Variants in CEP192 observed in about 807,000 individuals in gnomAD.
CEP192 encodes centrosomal protein of 192 kDa.
CEP192 carries 151 observed loss-of-function variants against 271.8 expected under a neutral mutation model. The observed-to-expected ratio is 0.56, with a 90% CI of 0.49 to 0.64. CEP192 has a LOEUF of 0.64. Ranked by LOEUF, CEP192 falls within the 30% of genes least tolerant of loss-of-function variation. CEP192 has a pLI of 0.00. For missense variants in CEP192, 2,910 were observed against 3,020.5 expected, an observed-to-expected ratio of 0.96 and a Z score of 0.86; for synonymous variants, 995 against 1,076.5, an observed-to-expected ratio of 0.92 and a Z score of 1.48.
chr18:13,118,479 T>A (rs778029559), intron 44 of CEP192, among the ~76,000 whole-genome samples: 13 of 152,208 alleles, frequency 8.5e-5, no homozygotes, highest in Non-Finnish European at 1.5e-4. Context: ...CCTTCCACCT[T>A]ACTCTTTCTT....
chr18:13,083,331 C>G (rs893860922), intron 30 of CEP192, among the ~76,000 whole-genome samples: 10 of 152,082 alleles, frequency 6.6e-5, no homozygotes, highest in African/African-American at 2.4e-4. Flanking sequence ...ACTTTTTGTC[C>G]TAAACTTCTC....
chr18:13,041,981 C>G (rs1008790152), intron 14 of CEP192, among the ~76,000 whole-genome samples: 3 of 152,188 alleles, frequency 2.0e-5, no homozygotes, highest in African/African-American at 7.2e-5. Context: ...ATCCACAATC[C>G]TCCTTCAAAG....
At chr18:12,994,971 A>C (rs1295025166) in intron 1 of CEP192, among the ~76,000 whole-genome samples, 4 of 151,884 alleles carry the variant, frequency 2.6e-5, no homozygotes, top group Non-Finnish European at 5.9e-5. Flanking sequence ...CATGAAGGGA[A>C]GGTGAGAAGG....
intron 14 of CEP192, 126 bp downstream of exon 14, chr18:13,041,082 T>C: frequency 1.3e-6 from 1 of 757,568 alleles, no homozygotes; most frequent in Non-Finnish European, 2.0e-6. Context: ...TTTCTCAGTG[T>C]TGGTTATAGA....
chr18:13,117,446 C>T (rs1356963892), intron 43 of CEP192, 139 bp from the exon 44 acceptor site: 6 of 584,550 alleles, frequency 1.0e-5, no homozygotes, highest in Non-Finnish European at 1.8e-5. Context: ...ATTACATTAG[C>T]ATTTATTGTA....
chr18:13,111,571 T>C (rs1008865611), intron 40 of CEP192, among the ~76,000 whole-genome samples: 1 of 152,150 alleles, frequency 6.6e-6, no homozygotes, highest in African/African-American at 2.4e-5. Context: ...TGACCTTAGG[T>C]TAAGCATTGG....
chr18:13,037,032 A>G (rs913126347), intron 11 of CEP192, among the ~76,000 whole-genome samples: 1 of 152,236 alleles, frequency 6.6e-6, no homozygotes, highest in Non-Finnish European at 1.5e-5. Flanking sequence ...TAGTGACAAA[A>G]TAACTACAGC....
chr18:13,096,230 G>A lies in CEP192; in HGVS notation c.6480G>A (p.Val2160=), dbSNP rs1224459882. The A allele has an allele frequency of 6.2e-7, 1 of 1,614,188 alleles. No homozygotes were observed. Among genetic ancestry groups the A allele is most frequent in the South Asian group, 1.1e-5 (1 of 91,084 alleles). ...TGRFQIVNNS[V]RLLRFELCWP... ...GTTTCCAGATTGTGAATAACTCTGT[G>A]AGGTTACTGAGATTTGAGCTGTGCT... The change falls in exon 36 of 45, where the codon GTG becomes GTA. Residue 2160 remains valine, a synonymous_variant. Coordinates refer to ENST00000506447, the MANE Select transcript of CEP192 (RefSeq NM_032142.4).
Position 13,113,622 on chromosome 18 carries a change from T to C in CEP192, c.7084T>C (p.Tyr2362His). 1.9e-6 allele frequency: 3 copies of C among 1,613,420 alleles called. No individual in the cohort carries two copies. The highest frequency in any genetic ancestry group is 2.5e-6 in the Non-Finnish European group (3 of 1,179,534). The change falls in exon 41 of 45, where the codon TAT (tyrosine) becomes CAT (histidine). Residue 2362 changes from tyrosine (Y) to histidine (H), a missense_variant. Physicochemically the swap from Tyr to His is moderately conservative, Grantham distance 83. Transcript: ENST00000506447. ...ATTTTTGCCCAGAGGTAGGGGGGAT[T>C]ATGCCCAGTTTTGGGATGTTGAATG... ...ITFLPRGRGD[Y>H]AQFWDVECHP... is the part of the protein sequence containing the mutation.
chr18:13,035,077 C>T (rs1975734101), intron 11 of CEP192, among the ~76,000 whole-genome samples: 1 of 152,060 alleles, frequency 6.6e-6, no homozygotes, highest in African/African-American at 2.4e-5. Context: ...TTCTTATTGG[C>T]TGTGATTGAT....
chr18:13,021,985 T>G (rs182710664), intron 9 of CEP192, among the ~76,000 whole-genome samples: 1 of 152,354 alleles, frequency 6.6e-6, no homozygotes, highest in Non-Finnish European at 1.5e-5. Flanking sequence ...TGTTATCTTC[T>G]AGGAGTTTTA....
chr18:13,090,983 A>G (rs547033), intron 33 of CEP192, among the ~76,000 whole-genome samples: 69,618 of 152,008 alleles, frequency 0.46, 16,050 homozygotes, highest in Middle Eastern at 0.51. Context: ...CAGTAGGTCT[A>G]TGGACACTGG....
chr18:13,069,432 A>T (rs1278996018), intron 26 of CEP192, among the ~76,000 whole-genome samples: 1 of 152,190 alleles, frequency 6.6e-6, no homozygotes, highest in African/African-American at 2.4e-5. Flanking sequence ...AAAAACATGC[A>T]TGTCACCCTT....
In CEP192 at chr18:13,099,502, C is replaced by T; in HGVS notation, c.6584C>T (p.Pro2195Leu). The T allele has an allele frequency of 6.3e-7, 1 of 1,594,086 alleles. No individual in the cohort carries two copies. Among genetic ancestry groups the T allele is most frequent in the Non-Finnish European group, 8.6e-7 (1 of 1,169,522 alleles). ...PESKLQILVS[P>L]NSSLSTKQSM... ...AGTAAACTACAAATTCTTGTGAGTCCTAATTCCTCCTTATCCACAAAACAG... is the reference window on the plus strand; with the variant it reads ...AGTAAACTACAAATTCTTGTGAGTCTTAATTCCTCCTTATCCACAAAACAG... Residue 2195 changes from proline (P) to leucine (L), a missense_variant, in exon 37 of 45, where the codon CCT becomes CTT. Pro to Leu is a moderately conservative substitution (Grantham distance 98). Transcript: ENST00000506447.
At chr18:13,076,581 A>G (rs2038295747) in intron 30 of CEP192, among the ~76,000 whole-genome samples, 1 of 152,194 alleles carries the variant, frequency 6.6e-6, no homozygotes. Flanking sequence ...TTGAAAATAT[A>G]GGCAGAATAC....
chr18:13,019,334 C>T, intron 9 of CEP192, 128 bp downstream of exon 9: 1 of 705,796 alleles, frequency 1.4e-6, no homozygotes, highest in Non-Finnish European at 2.1e-6. Context: ...AAAAAGTACT[C>T]ACTACTGATA....
At chr18:13,085,468 C>T (rs990673251) in intron 30 of CEP192, among the ~76,000 whole-genome samples, 1 of 152,098 alleles carries the variant, frequency 6.6e-6, no homozygotes. Flanking sequence ...AAGTCTTTGC[C>T]CATGTCTGTG....
At chr18:13,085,449 T>TTGCCCA (rs1190600075) in intron 30 of CEP192, among the ~76,000 whole-genome samples, 1 of 152,246 alleles carries the variant, frequency 6.6e-6, no homozygotes, top group Non-Finnish European at 1.5e-5. Context: ...CTTTTGGTGT[T>TTGCCCA]TAGTCATGAA....
chr18:13,116,253 T>C (rs1413160936), intron 42 of CEP192, 124 bp from the exon 43 acceptor site: 15 of 948,108 alleles, frequency 1.6e-5, no homozygotes, highest in East Asian at 5.5e-5. Context: ...ACAAAACTTA[T>C]ATTTGAAAAT....
Sources: gnomAD v4.1 joint callset for allele counts (sites outside exome capture counted in the v4.1 genomes callset) on GRCh38, gnomAD v4.1.1 for gene constraint, MANE v1.5 for transcripts, NCBI Gene and HGNC (gene_info 2026-07-23, HGNC 2026-07-21) for gene names.